The following OSBPL8 variants were observed in gnomAD, a reference collection of about 807,000 sequenced individuals.
The protein encoded by OSBPL8 is oxysterol binding protein like 8, also known as oxysterol-binding protein-related protein 8.
OSBPL8 carries 59 observed loss-of-function variants against 125.5 expected under a neutral mutation model. The ratio of observed to expected loss-of-function variants is 0.47; its 90% CI spans 0.38 to 0.58. The LOEUF (loss-of-function observed/expected upper bound fraction) is 0.58. OSBPL8 is among the 20% of genes least tolerant of loss of function. The pLI is 0.00. For missense variants in OSBPL8, 758 were observed against 1,047.8 expected (o/e 0.72, Z 3.82); for synonymous variants, 330 against 338.9 (o/e 0.97, Z 0.29).
At chr12:76,534,253 GA>G (rs1305938738) in intron 1 of OSBPL8, 2 of 152,196 alleles carry the variant, frequency 1.3e-5, no homozygotes, top group Non-Finnish European at 2.9e-5. Flanking sequence ...TCCTGCAAAA[GA>G]CTGCTTCAGG....
At chr12:76,507,085 T>C (rs148453355) in intron 1 of OSBPL8, among the ~76,000 whole-genome samples, 1 of 151,734 alleles carries the variant, frequency 6.6e-6, no homozygotes, top group African/African-American at 2.4e-5. Context: ...AAGCCAGGCC[T>C]GCATCCTAAT....
At chr12:76,434,657 T>TA (rs1871238115) in intron 4 of OSBPL8, among the ~76,000 whole-genome samples, 1 of 151,856 alleles carries the variant, frequency 6.6e-6, no homozygotes, top group Non-Finnish European at 1.5e-5. Context: ...AACAAAAATT[T>TA]AAAAAATGAA....
chr12:76,449,833 G>C (rs907743124), intron 4 of OSBPL8, among the ~76,000 whole-genome samples: 3 of 152,092 alleles, frequency 2.0e-5, no homozygotes, highest in Non-Finnish European at 2.9e-5. Context: ...AAATTCAAGA[G>C]TGAATTTTAA....
intron 15 of OSBPL8, among the ~76,000 whole-genome samples, chr12:76,379,827 C>G (rs556756156): frequency 1.3e-5 from 2 of 152,208 alleles, no homozygotes; most frequent in South Asian, 4.1e-4. Flanking sequence ...CATTTACGTA[C>G]AAGTCTTTAT....
At chr12:76,422,742 T>C (rs889660964) in intron 4 of OSBPL8, 5 of 383,952 alleles carry the variant, frequency 1.3e-5, no homozygotes, top group Non-Finnish European at 1.1e-5. Flanking sequence ...CATCCAACTG[T>C]AGCAAAACCC....
intron 2 of OSBPL8, among the ~76,000 whole-genome samples, chr12:76,476,511 T>C (rs1824493502): frequency 6.6e-6 from 1 of 152,026 alleles, no homozygotes; most frequent in Non-Finnish European, 1.5e-5. Flanking sequence ...TAAAATATAG[T>C]AGACTTGAAA....
At chr12:76,493,157 T>C (rs1436036129) in intron 1 of OSBPL8, among the ~76,000 whole-genome samples, 3 of 152,134 alleles carry the variant, frequency 2.0e-5, no homozygotes, top group African/African-American at 7.2e-5. Flanking sequence ...CATTTGCAAA[T>C]AGGGAATATT....
At chr12:76,555,598 A>G (rs1314422115) in intron 1 of OSBPL8, among the ~76,000 whole-genome samples, 1 of 152,218 alleles carries the variant, frequency 6.6e-6, no homozygotes, top group Non-Finnish European at 1.5e-5. Context: ...AGGCACATTC[A>G]TATTGAGGTA....
chr12:76,410,356 A>C (rs538758670), intron 5 of OSBPL8, among the ~76,000 whole-genome samples: 48 of 152,254 alleles, frequency 3.2e-4, no homozygotes, highest in African/African-American at 1.1e-3. Flanking sequence ...CTGGCAGGAA[A>C]ACTGGTTACC....
At chr12:76,381,554 T>C (rs1442876238) in intron 15 of OSBPL8, among the ~76,000 whole-genome samples, 4 of 152,138 alleles carry the variant, frequency 2.6e-5, no homozygotes, top group Non-Finnish European at 5.9e-5. Context: ...TACACAGGCA[T>C]TTATGATTAT....
chr12:76,390,770 T>G, intron 10 of OSBPL8, 113 bp from the exon 11 acceptor site: 1 of 682,346 alleles, frequency 1.5e-6, no homozygotes. Flanking sequence ...CAGACAGTGT[T>G]CTAAGTGTTT....
chr12:76,540,517 TG>T (rs1950611379), intron 1 of OSBPL8, among the ~76,000 whole-genome samples: 1 of 151,150 alleles, frequency 6.6e-6, no homozygotes, highest in African/African-American at 2.4e-5. Flanking sequence ...TGTGTGTGTG[TG>T]TGTGTGTGTA....
chr12:76,375,419 T>C, intron 16 of OSBPL8, 49 bp from the exon 17 acceptor site: 2 of 1,247,362 alleles, frequency 1.6e-6, no homozygotes, highest in Non-Finnish European at 2.3e-6. Flanking sequence ...TAGTATAGTA[T>C]ATGGCTCACG....
chr12:76,361,514 C>A (rs904596122), intron 21 of OSBPL8, among the ~76,000 whole-genome samples: 1 of 152,190 alleles, frequency 6.6e-6, no homozygotes, highest in African/African-American at 2.4e-5. Context: ...GTCGCTTCCA[C>A]ATTTCTGGGT....
chr12:76,486,082 C>A, intron 2 of OSBPL8: 1 of 405,340 alleles, frequency 2.5e-6, no homozygotes, highest in South Asian at 1.8e-5. Flanking sequence ...TCTTCATAAG[C>A]CAAGAATTTC....
chr12:76,406,106 A>G (rs2136385864), intron 5 of OSBPL8, among the ~76,000 whole-genome samples: 1 of 152,306 alleles, frequency 6.6e-6, no homozygotes, highest in South Asian at 2.1e-4. Context: ...ACTTGGTAAT[A>G]TATTGTTTCA....
chr12:76,405,473 T>C (rs1954219125), intron 5 of OSBPL8, among the ~76,000 whole-genome samples: 2 of 151,900 alleles, frequency 1.3e-5, no homozygotes, highest in Non-Finnish European at 2.9e-5. Context: ...AAAATCAAAT[T>C]TGTTTCCCTA....
intron 21 of OSBPL8, chr12:76,366,561 T>A (rs1952423202): frequency 2.2e-6 from 1 of 449,450 alleles, no homozygotes; most frequent in Non-Finnish European, 4.4e-6. Context: ...CTAATCTTCA[T>A]TATTTTCTTC....
At chr12:76,474,314 C>G (rs756761684) in intron 2 of OSBPL8, among the ~76,000 whole-genome samples, 11 of 152,038 alleles carry the variant, frequency 7.2e-5, no homozygotes, top group Non-Finnish European at 1.6e-4. Context: ...TTTTCATTAA[C>G]TTGTGACTGC....
Sources: allele counts gnomAD v4.1 joint callset (sites outside exome capture counted in the v4.1 genomes callset), GRCh38; gene constraint gnomAD v4.1.1; transcripts MANE v1.5; gene names NCBI Gene and HGNC (gene_info 2026-07-23, HGNC 2026-07-21).